Variants in ITFG1 observed in about 807,000 individuals in gnomAD.
ITFG1 encodes T-cell immunomodulatory protein.
In ITFG1, 34 loss-of-function variants were observed where a neutral mutation model predicts 81.8. That is an observed-to-expected ratio of 0.42 (90% CI 0.32 to 0.55). ITFG1 has a LOEUF of 0.55. ITFG1 is among the 20% of genes least tolerant of loss of function. The pLI is 0.17. For synonymous variants in ITFG1, 285 were observed against 270.6 expected (o/e 1.05, Z -0.52); for missense variants, 672 against 755.4 (o/e 0.89, Z 1.29).
chr16:47,436,346 C>T (rs893138766), intron 5 of ITFG1, among the ~76,000 whole-genome samples: 38 of 152,060 alleles, frequency 2.5e-4, no homozygotes, highest in African/African-American at 8.9e-4. Context: ...ATTGGTTTTG[C>T]TCATGGATCT....
At chr16:47,318,295 T>C (rs1326180424) in intron 8 of ITFG1, among the ~76,000 whole-genome samples, 1 of 152,210 alleles carries the variant, frequency 6.6e-6, no homozygotes, top group Non-Finnish European at 1.5e-5. Flanking sequence ...TTAATAATCT[T>C]TGAGATGGTT....
intron 10 of ITFG1, among the ~76,000 whole-genome samples, chr16:47,301,690 C>T (rs900853919): frequency 2.0e-5 from 3 of 152,116 alleles, no homozygotes; most frequent in Non-Finnish European, 2.9e-5. Flanking sequence ...GCCATCGTGC[C>T]CAGCTATTTC....
Position 47,217,721 on chromosome 16 carries a change from G to A in ITFG1, c.1453+1147C>T, listed in dbSNP as rs749307004. ...AGACTGATCATGAGGTCAGGAGACG[G>A]AGATTATCCTGGCTAACACAGGTGA... On this transcript the variant is annotated intron_variant, in intron 14 of 17. Transcript: ENST00000320640. Among the ~76,000 whole-genome samples the A allele has an allele frequency of 2.0e-5, 3 of 152,158 alleles. No homozygotes were observed. In the South Asian group the frequency reaches 6.2e-4, roughly 32 times the overall value.
chr16:47,292,998 T>C (rs900203884), intron 10 of ITFG1, among the ~76,000 whole-genome samples: 2 of 150,308 alleles, frequency 1.3e-5, no homozygotes, highest in African/African-American at 2.4e-5. Context: ...TTCTTTTTTA[T>C]GGTTGAGTAG....
At chr16:47,294,247 G>C (rs1966952035) in intron 10 of ITFG1, among the ~76,000 whole-genome samples, 1 of 152,050 alleles carries the variant, frequency 6.6e-6, no homozygotes, top group African/African-American at 2.4e-5. Flanking sequence ...CCAGTACTAT[G>C]TTTTGGTTAC....
In ITFG1 at chr16:47,245,882, A is replaced by G. The variant is rs115788348; in HGVS notation, c.1331-7874T>C. On this transcript the variant is annotated intron_variant, in intron 12 of 17. Coordinates refer to ENST00000320640, the MANE Select transcript of ITFG1 (RefSeq NM_030790.5). Reference sequence around the variant, plus strand: ...AACTGAAGAACTGAAGATTCGGACCATACTCACGGTCACAAGGTGAATGGA... The same window carrying G: ...AACTGAAGAACTGAAGATTCGGACCGTACTCACGGTCACAAGGTGAATGGA... 1.5e-3 allele frequency among the ~76,000 whole-genome samples: 229 copies of G among 151,824 alleles called. 2 individuals carry two copies. The highest frequency in any genetic ancestry group is 5.3e-3 in the African/African-American group (220 of 41,408).
At chr16:47,191,681 T>A (rs934993255) in intron 14 of ITFG1, among the ~76,000 whole-genome samples, 26 of 152,090 alleles carry the variant, frequency 1.7e-4, no homozygotes, top group Non-Finnish European at 3.7e-4. Context: ...GCTAATTTTT[T>A]TGTGTTTTTA....
At chr16:47,418,414 ATTTT>A (rs1427163909) in intron 6 of ITFG1, among the ~76,000 whole-genome samples, 2 of 151,656 alleles carry the variant, frequency 1.3e-5, no homozygotes, top group African/African-American at 2.4e-5. Flanking sequence ...TGTTTTTGAA[ATTTT>A]TTTGTTTGTT....
chr16:47,230,347 G>GC (rs111840778), intron 13 of ITFG1, among the ~76,000 whole-genome samples: 58 of 152,274 alleles, frequency 3.8e-4, no homozygotes, highest in African/African-American at 1.3e-3. Context: ...TGCAGCTGCA[G>GC]CGGCATAAGC....
chr16:47,323,410 A>G (rs1345692357), intron 8 of ITFG1, among the ~76,000 whole-genome samples: 1 of 152,086 alleles, frequency 6.6e-6, no homozygotes, highest in Non-Finnish European at 1.5e-5. Flanking sequence ...TAGTAATTTG[A>G]TTCTCTGTGC....
chr16:47,380,161 T>C (rs546461452), intron 6 of ITFG1, among the ~76,000 whole-genome samples: 8 of 150,988 alleles, frequency 5.3e-5, no homozygotes, highest in African/African-American at 4.9e-5. Context: ...TTCTCAACCA[T>C]AGCAGCTCTG....
chr16:47,297,043 T>C (rs895812509), intron 10 of ITFG1, among the ~76,000 whole-genome samples: 1 of 152,206 alleles, frequency 6.6e-6, no homozygotes, highest in Non-Finnish European at 1.5e-5. Flanking sequence ...ACTATTATTG[T>C]ATTATTGTCT....
At chr16:47,283,520 T>C (rs1966858641) in intron 10 of ITFG1, among the ~76,000 whole-genome samples, 1 of 152,178 alleles carries the variant, frequency 6.6e-6, no homozygotes, top group African/African-American at 2.4e-5. Context: ...TTTGTTTCTC[T>C]GCAGAACCCT....
chr16:47,162,589 T>C lies in ITFG1; in HGVS notation c.1529A>G (p.Asn510Ser). ...YNVLGLGRSA[N>S]FLDHLYVGIP... is the part of the protein sequence containing the mutation. ...ACCAACGTAGAGATGGTCAAGAAAA[T>C]TTGCGCTCCGACCTAAACCAAGCAC... is the stretch of plus-strand genomic sequence containing the variant. Residue 510 changes from asparagine (N) to serine (S), a missense_variant, in exon 15 of 18, where the codon AAT becomes AGT. By Grantham distance (46) the Asn-to-Ser change is conservative. Transcript: ENST00000320640. 1 of 1,612,484 alleles carries C rather than the reference T, an allele frequency of 6.2e-7. No homozygotes were observed. The highest frequency in any genetic ancestry group is 8.5e-7 in the Non-Finnish European group (1 of 1,179,130).
intron 5 of ITFG1, among the ~76,000 whole-genome samples, chr16:47,446,867 CTTT>C (rs765157745): frequency 7.0e-6 from 1 of 143,248 alleles, no homozygotes. Flanking sequence ...CTGGTTTTTT[CTTT>C]TTTTTTTTTT....
At chr16:47,174,368 C>T (rs951918408) in intron 14 of ITFG1, among the ~76,000 whole-genome samples, 4 of 151,912 alleles carry the variant, frequency 2.6e-5, no homozygotes, top group Non-Finnish European at 4.4e-5. Context: ...AATACATACA[C>T]GCTGATATAA....
intron 12 of ITFG1, among the ~76,000 whole-genome samples, chr16:47,249,924 G>A (rs1966049760): frequency 6.6e-6 from 1 of 152,198 alleles, no homozygotes; most frequent in African/African-American, 2.4e-5. Flanking sequence ...AGAAGGATGA[G>A]TTAAATAGCC....
At chr16:47,225,446 A>G (rs904503841) in intron 13 of ITFG1, among the ~76,000 whole-genome samples, 2 of 149,368 alleles carry the variant, frequency 1.3e-5, no homozygotes, top group Admixed American at 1.3e-4. Flanking sequence ...CAAGTAGGGT[A>G]AACTCAAAGA....
chr16:47,325,484 T>C (rs982805959), intron 8 of ITFG1, among the ~76,000 whole-genome samples: 4 of 151,850 alleles, frequency 2.6e-5, no homozygotes, highest in African/African-American at 4.8e-5. Flanking sequence ...AGAGTAGAAC[T>C]GAAGGAAATA....
Sources: gnomAD v4.1 joint callset for allele counts (sites outside exome capture counted in the v4.1 genomes callset) on GRCh38, gnomAD v4.1.1 for gene constraint, MANE v1.5 for transcripts, NCBI Gene and HGNC (gene_info 2026-07-23, HGNC 2026-07-21) for gene names.